RPS6KA6: variants seen among roughly 807,000 people sequenced by gnomAD.
RPS6KA6 encodes ribosomal protein S6 kinase alpha-6.
In RPS6KA6, 27 loss-of-function variants were observed where a neutral mutation model predicts 65.4. That is an observed-to-expected ratio of 0.41 (90% confidence interval 0.30 to 0.57). The LOEUF (loss-of-function observed/expected upper bound fraction) is 0.57, where lower values mean the gene tolerates loss of function less well. RPS6KA6 is among the 20% of genes least tolerant of loss of function. The pLI is 0.24. For synonymous variants in RPS6KA6, 190 were observed against 184.2 expected (o/e 1.03, Z -0.26); for missense variants, 486 against 555.6 (o/e 0.87, Z 1.26).
At chrX:84,109,437 G>T (rs2034426921) in intron 12 of RPS6KA6, among the ~76,000 whole-genome samples, 1 of 111,148 alleles carries the variant, frequency 9.0e-6, no homozygotes, top group African/African-American at 3.3e-5. Flanking sequence ...GATAATCTGA[G>T]AATCCTGTGG....
chrX:84,141,992 C>T (rs1387251846), intron 6 of RPS6KA6, among the ~76,000 whole-genome samples: 1 of 111,329 alleles, frequency 9.0e-6, no homozygotes, highest in East Asian at 2.8e-4. Flanking sequence ...AGAATATAGG[C>T]AATTTAATAT....
At chrX:84,094,361 G>A (rs1248463376) in intron 20 of RPS6KA6, among the ~76,000 whole-genome samples, 1 of 107,499 alleles carries the variant, frequency 9.3e-6, no homozygotes, top group Non-Finnish European at 1.9e-5. Flanking sequence ...TGCAAGTGGA[G>A]GCCTGGTGTG....
rs1274029160 is a variant in RPS6KA6 at position 84,059,774 on chromosome X, T to A, written c.*4503A>T. The stretch of plus-strand genomic sequence containing the variant: ...TCCACAGAAGCTCTATTGTCCAGCG[T>A]TTAGAAATGTGAATACAAAGCAAAC... On this transcript the variant is annotated 3_prime_UTR_variant, in exon 22 of 22. Coordinates refer to ENST00000262752, the MANE Select transcript of RPS6KA6 (RefSeq NM_014496.5). 2 of 111,933 alleles carry A rather than the reference T, an allele frequency of 1.8e-5. No individual in the cohort carries two copies. Among genetic ancestry groups the A allele is most frequent in the Non-Finnish European group, 3.8e-5 (2 of 53,195 alleles). 9.2% of individuals were successfully genotyped at this position (111,933 alleles called of 1,213,427 possible).
intron 17 of RPS6KA6, 54 bp from the exon 18 acceptor site, chrX:84,102,252 GAAATAA>G: frequency 3.4e-6 from 2 of 596,402 alleles, no homozygotes; most frequent in Non-Finnish European, 4.7e-6. Context: ...AAATATCTGA[GAAATAA>G]AACATTATAT....
intron 3 of RPS6KA6, among the ~76,000 whole-genome samples, chrX:84,149,103 A>C (rs2035253143): frequency 8.9e-6 from 1 of 111,885 alleles, no homozygotes; most frequent in Admixed American, 9.5e-5. Flanking sequence ...TCACCTCAAA[A>C]AAACTATTTT....
chrX:84,170,165 T>TAAA (rs746518015), intron 1 of RPS6KA6, among the ~76,000 whole-genome samples: 9 of 55,278 alleles, frequency 1.6e-4, no homozygotes, highest in Admixed American at 2.3e-4. Flanking sequence ...AGACTCCTTC[T>TAAA]AAAAAAAAAA....
intron 3 of RPS6KA6, among the ~76,000 whole-genome samples, chrX:84,151,196 G>GAGATATAGCTATATAGGATATATAT (rs2035316043): frequency 1.0e-5 from 1 of 97,967 alleles, no homozygotes; most frequent in Non-Finnish European, 2.0e-5. Context: ...AGGATATATA[G>GAGATATAGCTATATAGGATATATAT]AGATATAGAT....
chrX:84,149,166 A>T (rs1309211624), intron 3 of RPS6KA6, among the ~76,000 whole-genome samples: 1 of 112,010 alleles, frequency 8.9e-6, no homozygotes, highest in Non-Finnish European at 1.9e-5. Context: ...TTATCATGAG[A>T]CTGCAGCACT....
At chrX:84,128,169 G>A (rs1238593515) in intron 8 of RPS6KA6, among the ~76,000 whole-genome samples, 4 of 111,392 alleles carry the variant, frequency 3.6e-5, no homozygotes, top group Middle Eastern at 9.3e-3. Flanking sequence ...TCTACAGGCC[G>A]ACAGAGAACA....
intron 17 of RPS6KA6, among the ~76,000 whole-genome samples, chrX:84,102,669 G>A (rs1050443614): frequency 1.8e-5 from 2 of 111,012 alleles, no homozygotes; most frequent in Non-Finnish European, 3.8e-5. Context: ...AGGCACTGGA[G>A]AATGAACAGA....
At chrX:84,108,621 C>CT (rs145810008) in intron 12 of RPS6KA6, among the ~76,000 whole-genome samples, 11,153 of 111,177 alleles carry the variant, frequency 0.1, 575 homozygotes, top group Non-Finnish European at 0.15. Flanking sequence ...CTGCCACAGA[C>CT]TTTCAATGCT....
chrX:84,098,342 T>C (rs1054720864), intron 18 of RPS6KA6, among the ~76,000 whole-genome samples: 7 of 111,475 alleles, frequency 6.3e-5, no homozygotes, highest in South Asian at 7.3e-4. Flanking sequence ...TATTTTACCA[T>C]ACAAGGTCAA....
At chrX:84,146,402 T>C (rs938053080) in intron 5 of RPS6KA6, among the ~76,000 whole-genome samples, 9 of 111,926 alleles carry the variant, frequency 8.0e-5, no homozygotes, top group South Asian at 7.3e-4. Flanking sequence ...CAGAGGTAGA[T>C]AGACGATAGA....
chrX:84,111,882 T>C (rs1156537556), intron 12 of RPS6KA6, among the ~76,000 whole-genome samples: 2 of 111,447 alleles, frequency 1.8e-5, no homozygotes, highest in African/African-American at 3.3e-5. Context: ...CCAAAATACG[T>C]AGACCAGCAA....
At chrX:84,112,414 G>T (rs904845420) in intron 12 of RPS6KA6, among the ~76,000 whole-genome samples, 1 of 111,867 alleles carries the variant, frequency 8.9e-6, no homozygotes, top group African/African-American at 3.2e-5. Flanking sequence ...CTGAACATAT[G>T]CTTGACCATA....
rs1014975220 is a variant in RPS6KA6, at chrX:84,149,647, C to T, written c.259-1524G>A. Among the ~76,000 whole-genome samples the T allele has an allele frequency of 1.1e-4, 12 of 110,567 alleles. 1 individual carries two copies. Among genetic ancestry groups the T allele is most frequent in the Admixed American group, 7.7e-4 (8 of 10,329 alleles). On this transcript the variant is annotated intron_variant, in intron 3 of 21. Transcript: ENST00000262752. The stretch of plus-strand genomic sequence containing the variant: ...AGAAATGTCTTTTTTTTTCCCTGAA[C>T]AGTAGGTCTCAACAGTGGGCTTAAA...
At chrX:84,160,787 G>A (rs189104990) in intron 2 of RPS6KA6, among the ~76,000 whole-genome samples, 1 of 111,056 alleles carries the variant, frequency 9.0e-6, no homozygotes, top group Admixed American at 9.6e-5. Context: ...TGAAAACCAT[G>A]TCAAATATTA....
rs2033295746 is a variant in RPS6KA6 at position 84,061,133 on chromosome X, T to C, written c.*3144A>G. On this transcript the variant is annotated 3_prime_UTR_variant, in exon 22 of 22. Transcript: ENST00000262752. ...GCCAGGAGAAAGAGAATGTACAGAA[T>C]ACCACAAATATGCTTTGCCCACTTT... 8.9e-6 allele frequency: 1 copy of C among 112,382 alleles called. No individual in the cohort carries two copies. Among genetic ancestry groups the C allele is most frequent in the African/African-American group, 3.2e-5 (1 of 30,930 alleles). 9.3% of individuals were successfully genotyped at this position (112,382 alleles called of 1,213,427 possible). A position where few individuals can be genotyped will look rare whatever the true frequency, so the allele number is the denominator to read the frequency against.
rs749528346 is a variant in RPS6KA6, at chrX:84,150,650, T to C, written c.259-2527A>G. On this transcript the variant is annotated intron_variant, in intron 3 of 21. Transcript: ENST00000262752. ...TCAATGAAGCTCACTGTCTTATGTGTGCGTGGTTCATGGCACCCCGAAACA... is the reference window on the plus strand; with the variant it reads ...TCAATGAAGCTCACTGTCTTATGTGCGCGTGGTTCATGGCACCCCGAAACA... 2.8e-5 allele frequency among the ~76,000 whole-genome samples: 3 copies of C among 108,703 alleles called. No individual in the cohort carries two copies. In the South Asian group the frequency reaches 1.2e-3, roughly 44 times the overall value. 94.4% of individuals were successfully genotyped at this position (108,703 alleles called of 115,157 possible).
Sources: gnomAD v4.1 joint callset for allele counts (sites outside exome capture counted in the v4.1 genomes callset) on GRCh38, gnomAD v4.1.1 for gene constraint, MANE v1.5 for transcripts, NCBI Gene and HGNC (gene_info 2026-07-23, HGNC 2026-07-21) for gene names.